FN3KRP: variants seen among roughly 807,000 people sequenced by gnomAD.
FN3KRP encodes the protein ketosamine-3-kinase.
In FN3KRP, 33 loss-of-function variants were observed where a neutral mutation model predicts 29.8. That is an observed-to-expected ratio of 1.11 (90% CI 0.84 to 1.48). The LOEUF (loss-of-function observed/expected upper bound fraction) is 1.48. Among genes scored for constraint, FN3KRP ranks in the 40% most tolerant of loss-of-function variants. The pLI is 0.00. For synonymous variants in FN3KRP, 157 were observed against 155.2 expected, an observed-to-expected ratio of 1.01 and a Z score of -0.09; for missense variants, 430 against 402.6, an observed-to-expected ratio of 1.07 and a Z score of -0.58.
intron 4 of FN3KRP, among the ~76,000 whole-genome samples, chr17:82,724,975 A>AT (rs11406892): frequency 0.99 from 148,389 of 149,416 alleles, 73,692 homozygotes; most frequent in East Asian, 1. Context: ...TGCCCGGCTA[A>AT]TTTTTTTTTG....
Position 82,721,498 on chromosome 17 carries a change from A to G in FN3KRP, c.385+1135A>G. Among the ~76,000 whole-genome samples, 3 of 151,216 alleles carry G rather than the reference A, an allele frequency of 2.0e-5. No homozygotes were observed. In the South Asian group the frequency reaches 6.3e-4, roughly 32 times the overall value. On this transcript the variant is annotated intron_variant, in intron 3 of 5. Transcript: ENST00000269373. The stretch of plus-strand genomic sequence containing the variant: ...GGCAGATTCTTTTTCCTCTTTATTT[A>G]TTTATTTTTATTTTATTTTTTTGAG...
chr17:82,718,049 G>T (rs924381355), intron 1 of FN3KRP, among the ~76,000 whole-genome samples: 1 of 151,206 alleles, frequency 6.6e-6, no homozygotes, highest in African/African-American at 2.4e-5. Context: ...GTTCTGCGGG[G>T]ATCACTGCTG....
At chr17:82,725,432 C>T (rs536143600) in intron 4 of FN3KRP, among the ~76,000 whole-genome samples, 1 of 152,054 alleles carries the variant, frequency 6.6e-6, no homozygotes, top group East Asian at 1.9e-4. Context: ...ACTCCCAGCC[C>T]CCTTTCAAAT....
chr17:82,718,135 G>T (rs1287209965), intron 1 of FN3KRP, among the ~76,000 whole-genome samples: 1 of 150,716 alleles, frequency 6.6e-6, no homozygotes, highest in East Asian at 1.9e-4. Flanking sequence ...TGTGTTGTGT[G>T]TCTGTATGTG....
chr17:82,720,220 G>T, intron 2 of FN3KRP, 52 bp from the exon 3 acceptor site: 1 of 1,440,210 alleles, frequency 6.9e-7, no homozygotes. Flanking sequence ...AGCAGTGGGT[G>T]TGTTGCCATT....
At chr17:82,718,838 T>C (rs2046777627) in intron 1 of FN3KRP, 68 bp from the exon 2 acceptor site, 9 of 1,543,842 alleles carry the variant, frequency 5.8e-6, no homozygotes, top group African/African-American at 5.4e-5. Flanking sequence ...GGAAAACATA[T>C]CTACAGAACC....
chr17:82,722,944 G>A, intron 4 of FN3KRP, 58 bp downstream of exon 4: 1 of 1,474,684 alleles, frequency 6.8e-7, no homozygotes, highest in South Asian at 1.2e-5. Flanking sequence ...AGACACACGG[G>A]TTGGGGGGAC....
At position 82,727,088 on chromosome 17, in the gene FN3KRP, TTTCACTAC is replaced by T; in HGVS notation, c.850_857del (p.His284GlufsTer53). On this transcript the variant is annotated frameshift_variant, in exon 6 of 6. Coordinates refer to ENST00000269373, the MANE Select transcript of FN3KRP (RefSeq NM_024619.4). LOFTEE classifies it high-confidence loss of function. The stretch of plus-strand genomic sequence containing the variant: ...GAAGCGCCTTCAGTTGTATCAGCTC[TTTCACTAC>T]TTGAACCACTGGAATCATTTTGGAT... 6.2e-7 allele frequency: 1 copy of T among 1,614,150 alleles called. No homozygotes were observed. Among genetic ancestry groups the T allele is most frequent in the Non-Finnish European group, 8.5e-7 (1 of 1,180,026 alleles).
At chr17:82,723,889 T>C (rs1334596261) in intron 4 of FN3KRP, among the ~76,000 whole-genome samples, 1 of 151,992 alleles carries the variant, frequency 6.6e-6, no homozygotes, top group Non-Finnish European at 1.5e-5. Flanking sequence ...ATGTCAGAAG[T>C]GAGCCATGGG....
chr17:82,723,520 T>C (rs912576883), intron 4 of FN3KRP, among the ~76,000 whole-genome samples: 1 of 152,098 alleles, frequency 6.6e-6, no homozygotes, highest in Non-Finnish European at 1.5e-5. Context: ...TGTGTGTGTG[T>C]GCATATGTGT....
chr17:82,722,743 T>A, intron 3 of FN3KRP, 61 bp from the exon 4 acceptor site: 3 of 1,549,670 alleles, frequency 1.9e-6, no homozygotes, highest in Non-Finnish European at 2.7e-6. Flanking sequence ...TGACTCAGTT[T>A]CGAGAGTGGG....
At position 82,716,727 on chromosome 17, in the gene FN3KRP, C is replaced by A; in HGVS notation, c.-29C>A. ...CCGTCTCTCGAGTCTCCGCCAGATC[C>A]GGGGCGGGTCCGCGGCCGCGGCGGG... On this transcript the variant is annotated 5_prime_UTR_variant, in exon 1 of 6. Coordinates refer to ENST00000269373, the MANE Select transcript of FN3KRP (RefSeq NM_024619.4). 1 of 1,473,240 alleles carries A rather than the reference C, an allele frequency of 6.8e-7. No homozygotes were observed. Among genetic ancestry groups the A allele is most frequent in the South Asian group, 1.4e-5 (1 of 72,498 alleles). 91.3% of individuals were successfully genotyped at this position (1,473,240 alleles called of 1,614,324 possible).
chr17:82,719,143 C>T lies in FN3KRP; in HGVS notation c.293+86C>T, dbSNP rs373593760. ...TTGTTTTATTATGTGTGTCTTCACA[C>T]CACCCACTGGCTGGCTTTATTATCT... On this transcript the variant is annotated intron_variant, in intron 2 of 5. Coordinates refer to ENST00000269373, the MANE Select transcript of FN3KRP (RefSeq NM_024619.4). 1.6e-4 allele frequency: 202 copies of T among 1,266,138 alleles called. No homozygotes were observed. The East Asian group carries it at 4.2e-3, about 26-fold the overall frequency. The allele number at this position is 1,266,138 out of a possible 1,614,324, so 78.4% of individuals were successfully genotyped here.
intron 2 of FN3KRP, 52 bp from the exon 3 acceptor site, chr17:82,720,220 G>A (rs746359416): frequency 2.1e-6 from 3 of 1,440,092 alleles, no homozygotes; most frequent in African/African-American, 2.8e-5. Context: ...AGCAGTGGGT[G>A]TGTTGCCATT....
chr17:82,717,289 G>C (rs1033693977), intron 1 of FN3KRP, among the ~76,000 whole-genome samples: 3 of 152,206 alleles, frequency 2.0e-5, no homozygotes, highest in African/African-American at 7.2e-5. Context: ...AGCTGCTTAA[G>C]TCCTCAGCTT....
intron 3 of FN3KRP, among the ~76,000 whole-genome samples, chr17:82,721,835 T>C (rs560192058): frequency 1.3e-5 from 2 of 150,712 alleles, no homozygotes; most frequent in South Asian, 4.2e-4. Flanking sequence ...TATGTTTTGT[T>C]TTGTTTTGTT....
rs541150487 is a variant in FN3KRP at position 82,721,803 on chromosome 17, G to GT, written c.386-995dup. 2.7e-3 allele frequency among the ~76,000 whole-genome samples: 410 copies of GT among 149,538 alleles called. 3 individuals are homozygous for GT. The highest frequency in any genetic ancestry group is 1.0e-2 in the African/African-American group (405 of 40,696). On this transcript the variant is annotated intron_variant, in intron 3 of 5. Transcript: ENST00000269373. ...AGGCATGAGCTACTGGGCCTGGCCT[G>GT]TTTTTTACTTTTTATGTTTTTTATG... is the stretch of plus-strand genomic sequence containing the variant.
In FN3KRP at chr17:82,726,479, G is replaced by A. The variant is rs747150291; in HGVS notation, c.469-1G>A. ...ACTGTGCTTTTGCTGTTACTGTGCA[G>A]GTGAATGACTGGCAGGAGGACTGGG... On this transcript the variant is annotated splice_acceptor_variant, in intron 4 of 5. Transcript: ENST00000269373. LOFTEE classifies it high-confidence loss of function. 1.1e-5 allele frequency: 17 copies of A among 1,613,366 alleles called. No homozygotes were observed. The highest frequency in any genetic ancestry group is 1.4e-5 in the Non-Finnish European group (17 of 1,179,648).
rs751285603 is a variant in FN3KRP, at chr17:82,716,906, C to T, written c.141+10C>T. 9.4e-6 allele frequency: 12 copies of T among 1,278,898 alleles called. No individual in the cohort carries two copies. Among genetic ancestry groups the T allele is most frequent in the Non-Finnish European group, 1.3e-5 (12 of 908,854 alleles). 79.2% of individuals were successfully genotyped at this position (1,278,898 alleles called of 1,614,324 possible). A position where few individuals can be genotyped will look rare whatever the true frequency, so the allele number is the denominator to read the frequency against. On this transcript the variant is annotated intron_variant, in intron 1 of 5. Coordinates refer to ENST00000269373, the MANE Select transcript of FN3KRP (RefSeq NM_024619.4). ...GAACCCCAAGGCGGAGGTCAGGCAG[C>T]GGGTCGGGCGGGCCGGGGGACCGGT...
Sources: allele counts gnomAD v4.1 joint callset (sites outside exome capture counted in the v4.1 genomes callset), GRCh38; gene constraint gnomAD v4.1.1; transcripts MANE v1.5; gene names NCBI Gene and HGNC (gene_info 2026-07-23, HGNC 2026-07-21).